The following FMNL2 variants were observed in gnomAD, a reference collection of about 807,000 sequenced individuals.
FMNL2 encodes the protein formin-like protein 2.
Under a neutral mutation model 130.2 loss-of-function variants are expected in FMNL2, and 51 were observed. The observed-to-expected ratio is 0.39, with a 90% CI of 0.31 to 0.49. The LOEUF is 0.49. Ranked by LOEUF, FMNL2 falls within the 20% of genes least tolerant of loss-of-function variation. FMNL2 has a pLI of 0.85. For synonymous variants in FMNL2, 465 were observed against 467.1 expected, an observed-to-expected ratio of 1.00 and a Z score of 0.06; for missense variants, 977 against 1,316.2, an observed-to-expected ratio of 0.74 and a Z score of 3.99.
chr2:152,359,235 G>A (rs139128056), intron 1 of FMNL2, among the ~76,000 whole-genome samples: 1 of 152,142 alleles, frequency 6.6e-6, no homozygotes, highest in South Asian at 2.1e-4. Context: ...TATTTATAGA[G>A]TCTTTTTTTG....
intron 10 of FMNL2, among the ~76,000 whole-genome samples, chr2:152,610,736 T>C (rs917940711): frequency 6.6e-6 from 1 of 152,250 alleles, no homozygotes; most frequent in African/African-American, 2.4e-5. Flanking sequence ...ATTAATGATG[T>C]TACTCTGAAC....
chr2:152,423,165 A>T (rs990530686), intron 1 of FMNL2, among the ~76,000 whole-genome samples: 1 of 152,150 alleles, frequency 6.6e-6, no homozygotes, highest in Non-Finnish European at 1.5e-5. Context: ...TGAAGCATTT[A>T]TTTTTTGTGT....
chr2:152,646,984 G>C (rs960861375), intron 25 of FMNL2, among the ~76,000 whole-genome samples: 1 of 152,130 alleles, frequency 6.6e-6, no homozygotes, highest in African/African-American at 2.4e-5. Context: ...TATTTGGACT[G>C]GTATGCAGTG....
chr2:152,558,717 T>TA, intron 4 of FMNL2, 23 bp from the exon 5 acceptor site: 1 of 1,434,582 alleles, frequency 7.0e-7, no homozygotes, highest in Non-Finnish European at 9.4e-7. Context: ...CTCCAATGAT[T>TA]TTTTTTTTTT....
intron 1 of FMNL2, among the ~76,000 whole-genome samples, chr2:152,364,911 T>TA (rs1296080787): frequency 1.3e-5 from 2 of 152,244 alleles, no homozygotes; most frequent in East Asian, 3.8e-4. Flanking sequence ...ATGCCTTAGT[T>TA]AAGCTGAAGA....
At chr2:152,631,951 T>C in intron 20 of FMNL2, 57 bp from the exon 21 acceptor site, 2 of 1,550,810 alleles carry the variant, frequency 1.3e-6, no homozygotes, top group Non-Finnish European at 1.7e-6. Context: ...ACCTGAGGGG[T>C]AAGTGTCTTG....
intron 1 of FMNL2, among the ~76,000 whole-genome samples, chr2:152,359,134 T>C (rs959348747): frequency 2.0e-5 from 3 of 152,232 alleles, no homozygotes; most frequent in African/African-American, 7.2e-5. Flanking sequence ...ATAAATAAAA[T>C]TATTAATAGT....
At chr2:152,617,234 G>A (rs1580108679) in intron 13 of FMNL2, 42 bp downstream of exon 13, 1 of 1,565,786 alleles carries the variant, frequency 6.4e-7, no homozygotes, top group African/African-American at 1.4e-5. Flanking sequence ...GCACGGTAGG[G>A]AATGTACTCC....
chr2:152,602,596 A>G (rs1286881037), intron 9 of FMNL2, among the ~76,000 whole-genome samples: 2 of 152,194 alleles, frequency 1.3e-5, no homozygotes, highest in Non-Finnish European at 2.9e-5. Context: ...GAGATATACC[A>G]GTGAATATAA....
chr2:152,416,772 C>G (rs1483454661), intron 1 of FMNL2, among the ~76,000 whole-genome samples: 3 of 152,182 alleles, frequency 2.0e-5, no homozygotes, highest in Non-Finnish European at 4.4e-5. Flanking sequence ...GTTTTAATTT[C>G]TAAAGTGTCA....
intron 1 of FMNL2, among the ~76,000 whole-genome samples, chr2:152,377,801 C>T (rs1368090050): frequency 6.6e-6 from 1 of 152,068 alleles, no homozygotes; most frequent in Non-Finnish European, 1.5e-5. Flanking sequence ...CCACTGAGGC[C>T]CTTGTTTCTC....
intron 1 of FMNL2, among the ~76,000 whole-genome samples, chr2:152,409,569 A>G (rs138588607): frequency 1.2e-4 from 19 of 152,328 alleles, no homozygotes; most frequent in African/African-American, 4.3e-4. Flanking sequence ...TAAGTTTCCC[A>G]TTTGATATGG....
intron 1 of FMNL2, among the ~76,000 whole-genome samples, chr2:152,504,500 C>A (rs1692041761): frequency 6.6e-6 from 1 of 151,844 alleles, no homozygotes; most frequent in South Asian, 2.1e-4. Flanking sequence ...CTGCTTCGGC[C>A]TCCCAAAGTG....
At position 152,518,239 on chromosome 2, in the gene FMNL2, A is replaced by G. The variant is rs566487422; in HGVS notation, c.118-3704A>G. Among the ~76,000 whole-genome samples the G allele has an allele frequency of 7.2e-5, 11 of 152,328 alleles. No individual in the cohort carries two copies. The East Asian group carries it at 2.1e-3, about 29-fold the overall frequency. On this transcript the variant is annotated intron_variant, in intron 1 of 25. Transcript: ENST00000288670. Reference sequence around the variant, plus strand: ...CTGTAGAGTGTCTGATTTTAAATAGAACTGCTTCCTCATGGTCCTTATGGA... The same window carrying G: ...CTGTAGAGTGTCTGATTTTAAATAGGACTGCTTCCTCATGGTCCTTATGGA...
intron 4 of FMNL2, 61 bp downstream of exon 4, chr2:152,549,158 A>G (rs1375899590): frequency 8.4e-7 from 1 of 1,187,014 alleles, no homozygotes; most frequent in African/African-American, 1.6e-5. Context: ...AAAGTAACTG[A>G]ATCATACCCA....
At chr2:152,622,858 T>C (rs1303825183) in intron 15 of FMNL2, among the ~76,000 whole-genome samples, 1 of 151,696 alleles carries the variant, frequency 6.6e-6, no homozygotes, top group East Asian at 1.9e-4. Context: ...TATATTTGTA[T>C]CTGAGACTTC....
In FMNL2 at chr2:152,553,710, T is replaced by C. The variant is rs561421768; in HGVS notation, c.359+4613T>C. On this transcript the variant is annotated intron_variant, in intron 4 of 25. Transcript: ENST00000288670. ...AAATGTAATATTTAATAACATTTAA[T>C]TTAAATACATATAAAATAAATGTTA... 1.1e-4 allele frequency among the ~76,000 whole-genome samples: 16 copies of C among 151,682 alleles called. No individual in the cohort carries two copies. In the South Asian group the frequency reaches 3.3e-3, roughly 31 times the overall value.
At chr2:152,514,485 AT>A (rs1312998278) in intron 1 of FMNL2, among the ~76,000 whole-genome samples, 1 of 152,142 alleles carries the variant, frequency 6.6e-6, no homozygotes, top group Non-Finnish European at 1.5e-5. Context: ...GAATAATATC[AT>A]TTAACATACT....
At chr2:152,445,132 AT>A (rs1338709978) in intron 1 of FMNL2, among the ~76,000 whole-genome samples, 1 of 152,256 alleles carries the variant, frequency 6.6e-6, no homozygotes, top group African/African-American at 2.4e-5. Flanking sequence ...TCCTGACTAC[AT>A]CAGAGTCTCA....
Sources: allele counts gnomAD v4.1 joint callset (sites outside exome capture counted in the v4.1 genomes callset), GRCh38; gene constraint gnomAD v4.1.1; transcripts MANE v1.5; gene names NCBI Gene and HGNC (gene_info 2026-07-23, HGNC 2026-07-21).